Variants in NKAIN3 observed in about 807,000 individuals in gnomAD.
The protein encoded by NKAIN3 is sodium/potassium transporting ATPase interacting 3.
NKAIN3 carries 25 observed loss-of-function variants against 30.2 expected under a neutral mutation model. The ratio of observed to expected loss-of-function variants is 0.83; its 90% CI spans 0.60 to 1.16. NKAIN3 has a LOEUF of 1.16. Among genes scored for constraint, NKAIN3 ranks in the 50% most tolerant of loss-of-function variants. The pLI is 0.00. For synonymous variants in NKAIN3, 91 were observed against 89.6 expected (o/e 1.02, Z -0.09); for missense variants, 225 against 254.1 (o/e 0.89, Z 0.78).
In NKAIN3 at chr8:62,971,630, C is replaced by T. The variant is rs1053333089; in HGVS notation, c.*6223C>T. Among the ~76,000 whole-genome samples, 9 of 141,538 alleles carry T rather than the reference C, an allele frequency of 6.4e-5. No individual in the cohort carries two copies. Among genetic ancestry groups the T allele is most frequent in the African/African-American group, 2.1e-4 (8 of 39,006 alleles). The allele number at this position is 141,538 out of a possible 152,430, so 92.9% of individuals were successfully genotyped here. A position where few individuals can be genotyped will look rare whatever the true frequency, so the allele number is the denominator to read the frequency against. ...CCTGGGAGATGGAGCCAAACCTTGTCTCAAAAAAAAAGCGGGGGGGGCTTC... is the reference window on the plus strand; with the variant it reads ...CCTGGGAGATGGAGCCAAACCTTGTTTCAAAAAAAAAGCGGGGGGGGCTTC... On this transcript the variant is annotated 3_prime_UTR_variant, in exon 7 of 7. Transcript: ENST00000623646.
intron 2 of NKAIN3, among the ~76,000 whole-genome samples, chr8:62,585,326 G>T (rs1434950216): frequency 1.3e-5 from 2 of 152,056 alleles, no homozygotes; most frequent in Non-Finnish European, 2.9e-5. Context: ...TCCCTTCCAG[G>T]TACCATCACA....
At chr8:62,912,550 CT>C (rs1490371225) in intron 4 of NKAIN3, among the ~76,000 whole-genome samples, 1 of 152,078 alleles carries the variant, frequency 6.6e-6, no homozygotes, top group Non-Finnish European at 1.5e-5. Context: ...AATATTTTTT[CT>C]TTACATCCTT....
rs1262703387 is a variant in NKAIN3 at position 62,968,620 on chromosome 8, T to C, written c.*3213T>C. Among the ~76,000 whole-genome samples the C allele has an allele frequency of 6.6e-6, 1 of 152,328 alleles. No homozygotes were observed. The highest frequency in any genetic ancestry group is 2.1e-4 in the South Asian group (1 of 4,824). ...GCAAAACTGAAGATAGGACATCCACTGCTCTTTAGCTTCTAGTGCTGACTG... is the reference window on the plus strand; with the variant it reads ...GCAAAACTGAAGATAGGACATCCACCGCTCTTTAGCTTCTAGTGCTGACTG... On this transcript the variant is annotated 3_prime_UTR_variant, in exon 7 of 7. Coordinates refer to ENST00000623646, the MANE Select transcript of NKAIN3 (RefSeq NM_001304533.3).
intron 1 of NKAIN3, among the ~76,000 whole-genome samples, chr8:62,312,473 GAC>G (rs1338232287): frequency 6.6e-6 from 1 of 150,440 alleles, no homozygotes. Context: ...GGAAAAGAGA[GAC>G]AGGCAAATAT....
At chr8:62,386,987 T>G (rs1258997583) in intron 1 of NKAIN3, among the ~76,000 whole-genome samples, 1 of 152,016 alleles carries the variant, frequency 6.6e-6, no homozygotes, top group Non-Finnish European at 1.5e-5. Flanking sequence ...TAGATTATAC[T>G]TCTTAAAGAA....
chr8:62,503,964 T>G (rs1807548301), intron 1 of NKAIN3, among the ~76,000 whole-genome samples: 1 of 152,172 alleles, frequency 6.6e-6, no homozygotes, highest in African/African-American at 2.4e-5. Context: ...GGATTGAGAT[T>G]AAAGTAAGAC....
intron 1 of NKAIN3, among the ~76,000 whole-genome samples, chr8:62,543,247 A>G (rs1231877246): frequency 6.6e-6 from 1 of 152,118 alleles, no homozygotes; most frequent in Admixed American, 6.6e-5. Flanking sequence ...TTTTTGGATC[A>G]GTTTTTCACC....
intron 4 of NKAIN3, among the ~76,000 whole-genome samples, chr8:62,891,947 C>G (rs748002855): frequency 6.6e-6 from 1 of 152,074 alleles, no homozygotes; most frequent in Non-Finnish European, 1.5e-5. Flanking sequence ...CTGCTGAAAA[C>G]TATTTGAGAA....
chr8:62,850,634 A>C (rs1449091016), intron 4 of NKAIN3, among the ~76,000 whole-genome samples: 1 of 151,976 alleles, frequency 6.6e-6, no homozygotes, highest in East Asian at 1.9e-4. Context: ...ATTTTTGTAT[A>C]AGGTGTAAGG....
At chr8:62,822,833 A>G (rs572229632) in intron 4 of NKAIN3, among the ~76,000 whole-genome samples, 40 of 152,224 alleles carry the variant, frequency 2.6e-4, no homozygotes, top group Non-Finnish European at 5.3e-4. Flanking sequence ...TGAACATCAC[A>G]GAATGTACCT....
In NKAIN3 at chr8:62,354,736, C is replaced by T. The variant is rs369677323; in HGVS notation, c.54+105609C>T. On this transcript the variant is annotated intron_variant, in intron 1 of 6. Transcript: ENST00000623646. ...GGGATTACAGACGTGAGCCACCGCG[C>T]CAGGCCGACAGTTTCTTATACACGG... Among the ~76,000 whole-genome samples the T allele has an allele frequency of 2.1e-4, 32 of 152,306 alleles. 1 individual carries two copies. The South Asian group carries it at 6.6e-3, about 32-fold the overall frequency.
chr8:62,892,586 G>GC (rs1241464503), intron 4 of NKAIN3, among the ~76,000 whole-genome samples: 26 of 152,146 alleles, frequency 1.7e-4, no homozygotes, highest in African/African-American at 6.0e-4. Flanking sequence ...AATCAGGCTT[G>GC]TTACTCTGGT....
At chr8:62,418,151 T>G (rs1019790794) in intron 1 of NKAIN3, among the ~76,000 whole-genome samples, 9 of 152,156 alleles carry the variant, frequency 5.9e-5, no homozygotes, top group African/African-American at 2.2e-4. Context: ...CTCTGTTCCC[T>G]GAGAAGTGTA....
chr8:62,849,181 A>G (rs1819785219), intron 4 of NKAIN3, among the ~76,000 whole-genome samples: 1 of 151,560 alleles, frequency 6.6e-6, no homozygotes, highest in African/African-American at 2.4e-5. Context: ...CTCATAGAAT[A>G]AGTTAGGGAG....
intron 3 of NKAIN3, among the ~76,000 whole-genome samples, chr8:62,626,565 G>A (rs991555896): frequency 5.3e-5 from 8 of 152,082 alleles, no homozygotes; most frequent in Admixed American, 3.3e-4. Flanking sequence ...TATGACACAT[G>A]TCTAAAGGCG....
At chr8:62,691,935 T>C (rs1322255257) in intron 3 of NKAIN3, among the ~76,000 whole-genome samples, 5 of 152,198 alleles carry the variant, frequency 3.3e-5, no homozygotes, top group Non-Finnish European at 7.3e-5. Flanking sequence ...TATTCATGTG[T>C]CCATGGCCAG....
chr8:62,883,331 A>G (rs2130816003), intron 4 of NKAIN3, among the ~76,000 whole-genome samples: 1 of 151,726 alleles, frequency 6.6e-6, no homozygotes, highest in Admixed American at 6.6e-5. Context: ...TGTAAATGGT[A>G]TTGTGTTTTT....
intron 6 of NKAIN3, among the ~76,000 whole-genome samples, chr8:62,964,010 G>A (rs967339888): frequency 8.5e-5 from 13 of 152,192 alleles, no homozygotes; most frequent in Admixed American, 5.2e-4. Flanking sequence ...GCTAGATGTG[G>A]TTATGAAGTG....
At chr8:62,436,097 A>G (rs916330479) in intron 1 of NKAIN3, among the ~76,000 whole-genome samples, 1 of 152,226 alleles carries the variant, frequency 6.6e-6, no homozygotes, top group African/African-American at 2.4e-5. Flanking sequence ...GTGTCACAGT[A>G]TGTGAACATT....
Sources: gnomAD v4.1 joint callset for allele counts (sites outside exome capture counted in the v4.1 genomes callset) on GRCh38, gnomAD v4.1.1 for gene constraint, MANE v1.5 for transcripts, NCBI Gene and HGNC (gene_info 2026-07-23, HGNC 2026-07-21) for gene names.